The following ABLIM3 variants were observed in gnomAD, a reference collection of about 807,000 sequenced individuals.
ABLIM3 encodes actin-binding LIM protein 3.
Under a neutral mutation model 109.5 loss-of-function variants are expected in ABLIM3, and 61 were observed. The observed-to-expected ratio is 0.56, with a 90% confidence interval of 0.45 to 0.69. The LOEUF (loss-of-function observed/expected upper bound fraction) is 0.69, where lower values mean the gene tolerates loss of function less well. Ranked by LOEUF, ABLIM3 falls within the 30% of genes least tolerant of loss-of-function variation. The pLI, the probability that ABLIM3 is intolerant of heterozygous loss-of-function variation, is 0.00. For synonymous variants in ABLIM3, 300 were observed against 324.8 expected (o/e 0.92, Z 0.82); for missense variants, 796 against 889.5 (o/e 0.89, Z 1.34).
chr5:149,200,813 A>G (rs1157110498), intron 5 of ABLIM3, among the ~76,000 whole-genome samples: 1 of 152,134 alleles, frequency 6.6e-6, no homozygotes, highest in Non-Finnish European at 1.5e-5. Flanking sequence ...TGGCTTACAG[A>G]AGAGGTAGTA....
At chr5:149,257,459 A>G (rs944821043) in intron 23 of ABLIM3, among the ~76,000 whole-genome samples, 2 of 152,258 alleles carry the variant, frequency 1.3e-5, no homozygotes, top group Non-Finnish European at 2.9e-5. Flanking sequence ...AGCAGTATAT[A>G]TGCCATATAT....
chr5:149,199,436 A>AACCTGAG (rs1328809417), intron 4 of ABLIM3, among the ~76,000 whole-genome samples: 2 of 152,192 alleles, frequency 1.3e-5, no homozygotes, highest in African/African-American at 4.8e-5. Context: ...CAGCTCTTAA[A>AACCTGAG]ACCTGAGCCC....
intron 2 of ABLIM3, among the ~76,000 whole-genome samples, chr5:149,180,918 C>G (rs1212889213): frequency 2.0e-5 from 3 of 152,270 alleles, no homozygotes; most frequent in African/African-American, 4.8e-5. Flanking sequence ...GCTCACAAAT[C>G]CACTTTCCCA....
intron 12 of ABLIM3, 136 bp downstream of exon 12, chr5:149,239,413 C>T (rs1752564108): frequency 1.0e-6 from 1 of 983,134 alleles, no homozygotes; most frequent in Non-Finnish European, 1.6e-6. Flanking sequence ...GCTGGAGAGA[C>T]TCGGGTGCAT....
chr5:149,249,942 G>T, intron 19 of ABLIM3, 98 bp downstream of exon 19: 1 of 1,413,254 alleles, frequency 7.1e-7, no homozygotes, highest in South Asian at 1.2e-5. Flanking sequence ...CATACAATGT[G>T]GATGTCCCAG....
chr5:149,245,015 G>C lies in ABLIM3; in HGVS notation c.1486G>C (p.Val496Leu). 1 of 1,614,180 alleles carries C rather than the reference G, an allele frequency of 6.2e-7. No individual in the cohort carries two copies. The highest frequency in any genetic ancestry group is 1.1e-5 in the South Asian group (1 of 91,086). Residue 496 changes from valine (V) to leucine (L), a missense_variant and splice_region_variant, in exon 16 of 24, where the codon GTG (valine) becomes CTG (leucine). By Grantham distance (32) the Val-to-Leu change is conservative. Coordinates refer to ENST00000309868, the MANE Select transcript of ABLIM3 (RefSeq NM_014945.5). ...EYWTYHGSPK[V>L]PRARRFSSGG... ...CTGGACCTACCATGGGTCCCCCAAA[G>C]GTAGTACCCCCATAGGAGCCTGGGT...
intron 2 of ABLIM3, among the ~76,000 whole-genome samples, chr5:149,167,230 G>A (rs1754915216): frequency 6.6e-6 from 1 of 151,992 alleles, no homozygotes; most frequent in Non-Finnish European, 1.5e-5. Flanking sequence ...CATTCTCATT[G>A]TTTTACTACA....
At chr5:149,158,954 A>G (rs998933738) in intron 2 of ABLIM3, among the ~76,000 whole-genome samples, 2 of 152,200 alleles carry the variant, frequency 1.3e-5, no homozygotes, top group Non-Finnish European at 2.9e-5. Context: ...CACAACAACT[A>G]TGGAAAACTG....
At position 149,210,060 on chromosome 5, in the gene ABLIM3, A is replaced by G. The variant is rs144466016; in HGVS notation, c.576-666A>G. Among the ~76,000 whole-genome samples the G allele has an allele frequency of 5.5e-3, 836 of 152,262 alleles. 7 individuals are homozygous for G. The highest frequency in any genetic ancestry group is 0.019 in the African/African-American group (794 of 41,548). On this transcript the variant is annotated intron_variant, in intron 6 of 23. Transcript: ENST00000309868. ...AAAGCTAAGCTCTCCGATGCCCCCA[A>G]CTATCTCTACCTCAGTCCTAGAGAA...
At chr5:149,216,895 C>T (rs964860632) in intron 7 of ABLIM3, 64 bp from the exon 8 acceptor site, 65 of 1,430,372 alleles carry the variant, frequency 4.5e-5, no homozygotes, top group Non-Finnish European at 6.1e-5. Flanking sequence ...GATTCAAACC[C>T]AATCTGCCCC....
chr5:149,178,235 A>T, intron 2 of ABLIM3, among the ~76,000 whole-genome samples: 1 of 152,094 alleles, frequency 6.6e-6, no homozygotes, highest in East Asian at 1.9e-4. Context: ...AAATGCCTGG[A>T]CCCACAGTTG....
intron 3 of ABLIM3, among the ~76,000 whole-genome samples, chr5:149,193,062 T>C (rs4321739): frequency 0.34 from 51,441 of 151,920 alleles, 8,936 homozygotes; most frequent in East Asian, 0.53. Flanking sequence ...TGTATGAACC[T>C]TGATAGATTT....
At chr5:149,176,362 A>G (rs4383719) in intron 2 of ABLIM3, among the ~76,000 whole-genome samples, 64,499 of 152,004 alleles carry the variant, frequency 0.42, 14,330 homozygotes, top group East Asian at 0.67. Context: ...TAAAACAACT[A>G]GGTAATGGAT....
chr5:149,230,762 C>T, intron 9 of ABLIM3, 55 bp downstream of exon 9: 1 of 1,591,770 alleles, frequency 6.3e-7, no homozygotes, highest in South Asian at 1.1e-5. Context: ...CTTTCTGCCA[C>T]AGGCTAAGGG....
intron 10 of ABLIM3, 57 bp from the exon 11 acceptor site, chr5:149,237,391 A>C: frequency 6.4e-7 from 1 of 1,572,430 alleles, no homozygotes; most frequent in Non-Finnish European, 8.7e-7. Flanking sequence ...TCCTCTCTCC[A>C]TTCCCTTTTC....
At chr5:149,237,416 A>G (rs1199132466) in intron 10 of ABLIM3, 32 bp from the exon 11 acceptor site, 13 of 1,608,058 alleles carry the variant, frequency 8.1e-6, no homozygotes, top group Non-Finnish European at 1.1e-5. Context: ...TTATCTTTCT[A>G]TTCCTTTCCT....
At chr5:149,209,730 AG>A (rs1471183962) in intron 6 of ABLIM3, among the ~76,000 whole-genome samples, 5 of 152,174 alleles carry the variant, frequency 3.3e-5, no homozygotes, top group Non-Finnish European at 7.3e-5. Context: ...AGGAGTTGAA[AG>A]GGTTGGGGGA....
At chr5:149,158,199 T>G (rs1192922977) in intron 2 of ABLIM3, among the ~76,000 whole-genome samples, 1 of 152,186 alleles carries the variant, frequency 6.6e-6, no homozygotes, top group East Asian at 1.9e-4. Context: ...ATAAACTCCT[T>G]GAAGATAGAA....
chr5:149,216,067 GGGGTGAGCTGCGGTA>G, intron 7 of ABLIM3, among the ~76,000 whole-genome samples: 1 of 152,310 alleles, frequency 6.6e-6, no homozygotes, highest in East Asian at 1.9e-4. Flanking sequence ...AAGTCACACT[GGGGTGAGCTGCGGTA>G]GGGCTGGACA....
Sources: allele counts gnomAD v4.1 joint callset (sites outside exome capture counted in the v4.1 genomes callset), GRCh38; gene constraint gnomAD v4.1.1; transcripts MANE v1.5; gene names NCBI Gene and HGNC (gene_info 2026-07-23, HGNC 2026-07-21).